SGO2: variants seen among roughly 807,000 people sequenced by gnomAD.
SGO2 encodes shugoshin-like 2.
SGO2 carries 68 observed loss-of-function variants against 99.5 expected under a neutral mutation model. The ratio of observed to expected loss-of-function variants is 0.68; its 90% CI spans 0.56 to 0.84. The LOEUF is 0.84. Among genes scored for constraint, SGO2 ranks in the 40% least tolerant of loss-of-function variants. The probability of loss-of-function intolerance (pLI) is 0.00; values close to 1 mark genes in which losing one functional copy is unlikely to be tolerated. For synonymous variants in SGO2, 457 were observed against 487.1 expected, an observed-to-expected ratio of 0.94 and a Z score of 0.81; for missense variants, 1,350 against 1,436.7, an observed-to-expected ratio of 0.94 and a Z score of 0.97.
chr2:200,533,547 G>GTGTA (rs1396628320), intron 2 of SGO2, among the ~76,000 whole-genome samples: 1,665 of 143,036 alleles, frequency 0.012, 15 homozygotes, highest in Non-Finnish European at 0.019. Context: ...GTGTGTGTGT[G>GTGTA]TATACATGTG....
intron 5 of SGO2, among the ~76,000 whole-genome samples, chr2:200,558,613 A>C (rs1487821173): frequency 6.6e-6 from 1 of 151,830 alleles, no homozygotes; most frequent in Non-Finnish European, 1.5e-5. Context: ...ATGATGTATA[A>C]TTTTTGTTTC....
chr2:200,571,099 G>A lies in SGO2; in HGVS notation c.753G>A (p.Glu251=), dbSNP rs770516391. 43 of 1,611,944 alleles carry A rather than the reference G, an allele frequency of 2.7e-5. No individual in the cohort carries two copies. The South Asian group carries it at 4.2e-4, about 16-fold the overall frequency. ...DQSSKTSLMS[E]MRNAQSIGRR... is the part of the protein sequence containing the mutation. Reference sequence around the variant, plus strand: ...GTTCTAAGACTTCTCTAATGAGTGAGATGAGAAACGCCCAGTCTATTGGCC... The same window carrying A: ...GTTCTAAGACTTCTCTAATGAGTGAAATGAGAAACGCCCAGTCTATTGGCC... The change falls in exon 7 of 9, where the codon GAG becomes GAA. Residue 251 remains glutamate (E), a synonymous_variant. Transcript: ENST00000357799.
chr2:200,561,504 T>C (rs1156657899), intron 5 of SGO2, among the ~76,000 whole-genome samples: 1 of 152,242 alleles, frequency 6.6e-6, no homozygotes, highest in Non-Finnish European at 1.5e-5. Context: ...TTGTGAATAG[T>C]GCTGCAATAA....
intron 5 of SGO2, among the ~76,000 whole-genome samples, chr2:200,568,117 A>G (rs925129070): frequency 6.6e-6 from 1 of 152,092 alleles, no homozygotes; most frequent in African/African-American, 2.4e-5. Flanking sequence ...CCTCACCAAC[A>G]CTTGTTAATA....
intron 5 of SGO2, among the ~76,000 whole-genome samples, chr2:200,566,932 G>T (rs1216660601): frequency 6.6e-6 from 1 of 152,212 alleles, no homozygotes; most frequent in South Asian, 2.1e-4. Context: ...CACAGTATTA[G>T]GGTGGGAGTG....
At chr2:200,550,066 A>C (rs1259496719) in intron 5 of SGO2, among the ~76,000 whole-genome samples, 2 of 152,234 alleles carry the variant, frequency 1.3e-5, no homozygotes, top group Non-Finnish European at 2.9e-5. Flanking sequence ...ACAGTGGACA[A>C]TCTGAAAAAG....
chr2:200,554,024 A>C (rs1248919282), intron 5 of SGO2, among the ~76,000 whole-genome samples: 1 of 152,228 alleles, frequency 6.6e-6, no homozygotes, highest in Admixed American at 6.5e-5. Flanking sequence ...GCCTTGGTAA[A>C]ATAACCAGTT....
chr2:200,556,392 A>C (rs758349125), intron 5 of SGO2, among the ~76,000 whole-genome samples: 1 of 152,202 alleles, frequency 6.6e-6, no homozygotes, highest in Non-Finnish European at 1.5e-5. Flanking sequence ...AATTTTACCA[A>C]AGGTAACCTC....
intron 5 of SGO2, among the ~76,000 whole-genome samples, chr2:200,555,898 G>A (rs977225721): frequency 2.6e-5 from 4 of 152,206 alleles, no homozygotes; most frequent in African/African-American, 9.6e-5. Context: ...TCCCAAAACA[G>A]GGTCTGTGGT....
At chr2:200,528,523 C>T (rs540546416) in intron 1 of SGO2, among the ~76,000 whole-genome samples, 1 of 152,088 alleles carries the variant, frequency 6.6e-6, no homozygotes, top group South Asian at 2.1e-4. Context: ...CTAGGGAGGA[C>T]ATGGTGGAGT....
chr2:200,569,971 T>C (rs764134702), intron 6 of SGO2, 79 bp downstream of exon 6: 1 of 913,012 alleles, frequency 1.1e-6, no homozygotes, highest in South Asian at 1.6e-5. Flanking sequence ...GGCAATTATG[T>C]ATAACAGTTA....
intron 1 of SGO2, among the ~76,000 whole-genome samples, chr2:200,531,073 A>G (rs1287151247): frequency 2.0e-5 from 3 of 152,104 alleles, no homozygotes; most frequent in African/African-American, 4.8e-5. Context: ...AAAAAAATTG[A>G]TGATATCGGG....
chr2:200,566,406 G>A (rs2033190334), intron 5 of SGO2, among the ~76,000 whole-genome samples: 1 of 152,186 alleles, frequency 6.6e-6, no homozygotes, highest in East Asian at 1.9e-4. Context: ...AATGGCAAAT[G>A]TTGCTGTCTG....
intron 5 of SGO2, among the ~76,000 whole-genome samples, chr2:200,550,481 T>C (rs889809146): frequency 6.6e-6 from 1 of 152,148 alleles, no homozygotes; most frequent in Non-Finnish European, 1.5e-5. Context: ...CAAAACAGCA[T>C]GGTACTGGCA....
intron 5 of SGO2, among the ~76,000 whole-genome samples, chr2:200,556,099 G>A (rs1159960866): frequency 6.6e-6 from 1 of 152,032 alleles, no homozygotes; most frequent in Non-Finnish European, 1.5e-5. Context: ...TGAGTAGCTG[G>A]GATTACAGGC....
intron 5 of SGO2, among the ~76,000 whole-genome samples, chr2:200,554,598 A>G (rs1286521515): frequency 1.3e-5 from 2 of 152,216 alleles, no homozygotes; most frequent in East Asian, 3.8e-4. Flanking sequence ...TCTATGACAC[A>G]CAACAATTTT....
In SGO2 at chr2:200,533,038, A is replaced by G; in HGVS notation, c.63A>G (p.Lys21=). The change falls in exon 2 of 9, where the codon AAA becomes AAG. Residue 21 remains lysine, a synonymous_variant. Coordinates refer to ENST00000357799, the MANE Select transcript of SGO2 (RefSeq NM_152524.6). ...LFTSGIKRHL[K]DKRISKTTKL... ...CCTCAGGAATTAAGAGACATTTGAAAGACAAAAGAATTTCAAAGACTACTA... is the reference window on the plus strand; with the variant it reads ...CCTCAGGAATTAAGAGACATTTGAAGGACAAAAGAATTTCAAAGACTACTA... 1 of 1,606,946 alleles carries G rather than the reference A, an allele frequency of 6.2e-7. No individual in the cohort carries two copies. The highest frequency in any genetic ancestry group is 8.5e-7 in the Non-Finnish European group (1 of 1,178,216).
intron 8 of SGO2, chr2:200,576,238 T>C (rs2033658513): frequency 7.8e-6 from 2 of 257,124 alleles, no homozygotes; most frequent in South Asian, 7.7e-5. Context: ...TTTTTTCTTT[T>C]TTTTTTAAAC....
intron 3 of SGO2, among the ~76,000 whole-genome samples, 190 bp from the exon 4 acceptor site, chr2:200,535,875 T>C (rs2031666587): frequency 6.6e-6 from 1 of 152,048 alleles, no homozygotes; most frequent in Admixed American, 6.6e-5. Flanking sequence ...GTATGACTAT[T>C]TGGACTATAT....
Sources: gnomAD v4.1 joint callset for allele counts (sites outside exome capture counted in the v4.1 genomes callset) on GRCh38, gnomAD v4.1.1 for gene constraint, MANE v1.5 for transcripts, NCBI Gene and HGNC (gene_info 2026-07-23, HGNC 2026-07-21) for gene names.